The following LRBA variants were observed in gnomAD, a reference collection of about 807,000 sequenced individuals.
LRBA encodes the protein LPS responsive beige-like anchor protein.
In LRBA, 176 loss-of-function variants were observed where a neutral mutation model predicts 330.0. The observed-to-expected ratio is 0.53, with a 90% CI of 0.47 to 0.60. LRBA has a LOEUF of 0.60. Among genes scored for constraint, LRBA ranks in the 20% least tolerant of loss-of-function variants. LRBA has a pLI of 0.00. For synonymous variants in LRBA, 1,230 were observed against 1,193.0 expected (o/e 1.03, Z -0.64); for missense variants, 3,259 against 3,444.8 (o/e 0.95, Z 1.35).
chr4:150,809,288 A>G (rs1743256177), intron 31 of LRBA, among the ~76,000 whole-genome samples: 2 of 152,336 alleles, frequency 1.3e-5, no homozygotes, highest in South Asian at 4.1e-4. Context: ...CGGAAGCAGC[A>G]GCATCTTAAC....
chr4:150,706,721 C>A (rs1216887585), intron 36 of LRBA, among the ~76,000 whole-genome samples: 2 of 151,476 alleles, frequency 1.3e-5, no homozygotes, highest in Non-Finnish European at 3.0e-5. Context: ...TTCCTTAATA[C>A]ATGCAGAGCT....
At chr4:150,619,467 G>A (rs1776095265) in intron 37 of LRBA, among the ~76,000 whole-genome samples, 1 of 152,052 alleles carries the variant, frequency 6.6e-6, no homozygotes, top group South Asian at 2.1e-4. Flanking sequence ...CAAAATAAGG[G>A]TTGTTATAAA....
rs549610748 is a variant in LRBA at position 150,350,165 on chromosome 4, A to G, written c.7195-6T>C. The G allele has an allele frequency of 5.8e-5, 90 of 1,552,446 alleles. 2 individuals carry two copies. The South Asian group carries it at 1.1e-3, about 19-fold the overall frequency. ...ACAAATTCACTCTCCAGGGCCTGAAAAAAGGTATACATTGTATTACTATGC... is the reference window on the plus strand; with the variant it reads ...ACAAATTCACTCTCCAGGGCCTGAAGAAAGGTATACATTGTATTACTATGC... On this transcript the variant is annotated splice_region_variant and splice_polypyrimidine_tract_variant and intron_variant, in intron 47 of 56. Transcript: ENST00000651943.
At position 150,867,731 on chromosome 4, in the gene LRBA, G is replaced by T; in HGVS notation, c.2706C>A (p.Val902=). The T allele has an allele frequency of 6.2e-7, 1 of 1,613,728 alleles. No individual in the cohort carries two copies. The highest frequency in any genetic ancestry group is 8.5e-7 in the Non-Finnish European group (1 of 1,179,818). The change falls in exon 22 of 57, where the codon GTC becomes GTA. Residue 902 remains valine, a synonymous_variant. Coordinates refer to ENST00000651943, the MANE Select transcript of LRBA (RefSeq NM_001364905.1). The part of the protein sequence containing the change: ...AIFRILLYHA[V]KYEWGGWRVW... ...CACGCCAGCCACCCCACTCATATTT[G>T]ACTGCATGGTAAAGCAGGATTCTGA...
intron 37 of LRBA, among the ~76,000 whole-genome samples, chr4:150,620,544 C>T (rs1371754685): frequency 2.6e-5 from 4 of 151,998 alleles, no homozygotes; most frequent in Admixed American, 1.3e-4. Flanking sequence ...TGCAAAGATA[C>T]GGAATCAACC....
In LRBA at chr4:150,853,268, A is replaced by G. The variant is rs115692850; in HGVS notation, c.2767-325T>C. Reference sequence around the variant, plus strand: ...CCATAACTTGTACCAGAATTTAAGTATGTACCATTGGGAAGTGCTTTATGC... The same window carrying G: ...CCATAACTTGTACCAGAATTTAAGTGTGTACCATTGGGAAGTGCTTTATGC... On this transcript the variant is annotated intron_variant, in intron 22 of 56. Transcript: ENST00000651943. Among the ~76,000 whole-genome samples the G allele has an allele frequency of 3.7e-3, 558 of 152,320 alleles. 3 individuals are homozygous for G. Among genetic ancestry groups the G allele is most frequent in the Non-Finnish European group, 5.7e-3 (386 of 68,012 alleles).
At chr4:150,290,914 C>A (rs1237596049) in intron 53 of LRBA, among the ~76,000 whole-genome samples, 1 of 152,082 alleles carries the variant, frequency 6.6e-6, no homozygotes, top group Non-Finnish European at 1.5e-5. Flanking sequence ...CACAAGATCT[C>A]TATACTAACC....
intron 34 of LRBA, among the ~76,000 whole-genome samples, chr4:150,779,351 T>A (rs915056029): frequency 6.6e-6 from 1 of 152,088 alleles, no homozygotes; most frequent in South Asian, 2.1e-4. Context: ...TTTTAATTTT[T>A]ATTTTATTTT....
At chr4:150,610,879 T>G (rs529832244) in intron 37 of LRBA, among the ~76,000 whole-genome samples, 1 of 152,304 alleles carries the variant, frequency 6.6e-6, no homozygotes, top group East Asian at 1.9e-4. Flanking sequence ...TGGCTTATGA[T>G]GCAGTATAAA....
At chr4:150,347,645 CA>C (rs57952007) in intron 48 of LRBA, among the ~76,000 whole-genome samples, 200 of 133,782 alleles carry the variant, frequency 1.5e-3, no homozygotes, top group African/African-American at 4.1e-3. Flanking sequence ...GACTCTGTCT[CA>C]AAAAAAAAAA....
chr4:150,811,916 C>T (rs1332511814), intron 31 of LRBA, among the ~76,000 whole-genome samples: 1 of 152,168 alleles, frequency 6.6e-6, no homozygotes, highest in Admixed American at 6.5e-5. Context: ...TTTCCTCACA[C>T]TACCCTAGAA....
intron 47 of LRBA, among the ~76,000 whole-genome samples, chr4:150,398,475 A>T (rs1470833726): frequency 1.3e-5 from 2 of 152,184 alleles, no homozygotes; most frequent in Non-Finnish European, 2.9e-5. Flanking sequence ...TAACTATTGC[A>T]TTTGGTATAA....
chr4:150,479,503 GCA>G (rs1419000156), intron 42 of LRBA, among the ~76,000 whole-genome samples: 1 of 152,054 alleles, frequency 6.6e-6, no homozygotes, highest in Non-Finnish European at 1.5e-5. Context: ...CTAATCAAAA[GCA>G]TTACCGGTAT....
intron 33 of LRBA, among the ~76,000 whole-genome samples, chr4:150,800,947 T>C (rs181879811): frequency 6.6e-6 from 1 of 152,280 alleles, no homozygotes. Flanking sequence ...CTCACCCAGA[T>C]ATATCACTTC....
intron 40 of LRBA, among the ~76,000 whole-genome samples, chr4:150,497,425 T>C (rs1314690612): frequency 6.6e-6 from 1 of 152,152 alleles, no homozygotes; most frequent in Non-Finnish European, 1.5e-5. Context: ...TAAATGTATA[T>C]CCATGAACAC....
intron 43 of LRBA, among the ~76,000 whole-genome samples, chr4:150,468,534 AG>A (rs1755722336): frequency 6.6e-6 from 1 of 152,020 alleles, no homozygotes. Flanking sequence ...TTACCTTTTT[AG>A]GGAGGTAGCA....
intron 2 of LRBA, chr4:150,970,587 A>ACAC (rs1739473739): frequency 6.9e-6 from 1 of 144,228 alleles, no homozygotes; most frequent in South Asian, 2.2e-4. Context: ...ACACACACAC[A>ACAC]AAAGTATACT....
At chr4:150,947,711 A>C (rs1179452696) in intron 2 of LRBA, among the ~76,000 whole-genome samples, 2 of 152,120 alleles carry the variant, frequency 1.3e-5, no homozygotes, top group Non-Finnish European at 1.5e-5. Context: ...AATAAAAGGT[A>C]TGCAGGTGAG....
intron 56 of LRBA, among the ~76,000 whole-genome samples, chr4:150,269,467 A>C (rs1424049100): frequency 6.6e-6 from 1 of 152,222 alleles, no homozygotes; most frequent in Non-Finnish European, 1.5e-5. Context: ...ACCTACCATT[A>C]TATTAAAAAA....
Sources: allele counts gnomAD v4.1 joint callset (sites outside exome capture counted in the v4.1 genomes callset), GRCh38; gene constraint gnomAD v4.1.1; transcripts MANE v1.5; gene names NCBI Gene and HGNC (gene_info 2026-07-23, HGNC 2026-07-21).